The following GSE1 variants were observed in gnomAD, a reference collection of about 807,000 sequenced individuals.
The protein encoded by GSE1 is genetic suppressor element 1.
In GSE1, 32 loss-of-function variants were observed where a neutral mutation model predicts 112.6. That is an observed-to-expected ratio of 0.28 (90% CI 0.21 to 0.38). The LOEUF (loss-of-function observed/expected upper bound fraction) is 0.38. Ranked by LOEUF, GSE1 falls within the 10% of genes least tolerant of loss-of-function variation. The pLI, the probability that GSE1 is intolerant of heterozygous loss-of-function variation, is 1.00. For missense variants in GSE1, 2,348 were observed against 1,699.2 expected (o/e 1.38, Z -6.71); for synonymous variants, 1,115 against 735.6 (o/e 1.52, Z -8.35).
intron 1 of GSE1, among the ~76,000 whole-genome samples, chr16:85,234,053 A>C (rs566636820): frequency 1.3e-5 from 2 of 152,268 alleles, no homozygotes; most frequent in Non-Finnish European, 2.9e-5. Flanking sequence ...CAGGTTCAAT[A>C]GGACAAGACC....
chr16:85,384,891 C>G (rs1241510556), intron 2 of GSE1, among the ~76,000 whole-genome samples: 3 of 152,228 alleles, frequency 2.0e-5, no homozygotes, highest in Non-Finnish European at 4.4e-5. Flanking sequence ...CCTGGGGGCC[C>G]TCAGGCAAGC....
intron 2 of GSE1, among the ~76,000 whole-genome samples, chr16:85,549,034 G>A (rs1041008322): frequency 5.3e-5 from 8 of 152,076 alleles, no homozygotes; most frequent in Non-Finnish European, 8.8e-5. Flanking sequence ...TGATCCGCCC[G>A]CCTCGGCCTC....
chr16:85,620,327 A>G (rs1404565115), intron 1 of GSE1, among the ~76,000 whole-genome samples: 1 of 152,302 alleles, frequency 6.6e-6, no homozygotes, highest in African/African-American at 2.4e-5. Context: ...TGCTTCACCC[A>G]GTCTCGGGAT....
intron 2 of GSE1, among the ~76,000 whole-genome samples, chr16:85,407,966 T>C (rs1445957586): frequency 5.8e-4 from 15 of 25,866 alleles, no homozygotes; most frequent in East Asian, 1.9e-3. Context: ...ACACTCAGGG[T>C]CCCTCTGATA....
At chr16:85,470,599 C>T (rs757028959) in intron 2 of GSE1, among the ~76,000 whole-genome samples, 2 of 152,218 alleles carry the variant, frequency 1.3e-5, no homozygotes, top group African/African-American at 4.8e-5. Context: ...TGCAATTGCT[C>T]TGCACCTCAA....
At chr16:85,459,223 C>T (rs1182351215) in intron 2 of GSE1, among the ~76,000 whole-genome samples, 1 of 152,234 alleles carries the variant, frequency 6.6e-6, no homozygotes. Flanking sequence ...AAACGCCACC[C>T]CCAGGCACCC....
At chr16:85,307,046 C>G (rs564119127) in intron 1 of GSE1, among the ~76,000 whole-genome samples, 4 of 152,066 alleles carry the variant, frequency 2.6e-5, no homozygotes, top group Admixed American at 1.3e-4. Flanking sequence ...TGGGAAGTGT[C>G]CACGAGGCTG....
intron 1 of GSE1, among the ~76,000 whole-genome samples, chr16:85,336,129 C>T (rs979156744): frequency 2.6e-5 from 4 of 152,170 alleles, no homozygotes; most frequent in Non-Finnish European, 2.9e-5. Flanking sequence ...GGTGAGGACC[C>T]GGCTGCAGTT....
intron 1 of GSE1, among the ~76,000 whole-genome samples, chr16:85,219,925 G>A (rs1269114849): frequency 6.6e-6 from 1 of 152,184 alleles, no homozygotes; most frequent in Non-Finnish European, 1.5e-5. Flanking sequence ...ACTTCCTTTG[G>A]AACAGGTGGG....
intron 2 of GSE1, among the ~76,000 whole-genome samples, chr16:85,466,880 C>T (rs1340939089): frequency 6.6e-6 from 1 of 151,980 alleles, no homozygotes; most frequent in East Asian, 1.9e-4. Flanking sequence ...GCCGAAATGG[C>T]GAAGCCTCAT....
At chr16:85,330,072 G>T (rs896474798) in intron 1 of GSE1, among the ~76,000 whole-genome samples, 9 of 152,184 alleles carry the variant, frequency 5.9e-5, no homozygotes, top group African/African-American at 2.2e-4. Flanking sequence ...TCTTCCTGGT[G>T]GCGGCCAGGA....
chr16:85,650,279 G>C (rs982621483), intron 3 of GSE1, among the ~76,000 whole-genome samples: 1 of 151,670 alleles, frequency 6.6e-6, no homozygotes, highest in Admixed American at 6.6e-5. Flanking sequence ...TCCAGAGGCC[G>C]CCCCCCAGGG....
intron 1 of GSE1, among the ~76,000 whole-genome samples, chr16:85,355,830 G>A (rs2046939141): frequency 6.6e-6 from 1 of 152,102 alleles, no homozygotes; most frequent in African/African-American, 2.4e-5. Context: ...AAACCAGTCT[G>A]GCCAACATAG....
intron 1 of GSE1, among the ~76,000 whole-genome samples, chr16:85,278,220 G>A (rs1909567175): frequency 6.6e-6 from 1 of 152,208 alleles, no homozygotes; most frequent in Non-Finnish European, 1.5e-5. Flanking sequence ...GGGCGGGGGT[G>A]CTGTCCTCTG....
intron 1 of GSE1, among the ~76,000 whole-genome samples, chr16:85,560,481 C>T (rs746917174): frequency 3.3e-5 from 5 of 152,100 alleles, no homozygotes; most frequent in East Asian, 1.9e-4. Flanking sequence ...GGCCTCTTGC[C>T]GCCATGGTTG....
intron 2 of GSE1, among the ~76,000 whole-genome samples, chr16:85,410,837 T>C (rs1231110928): frequency 3.6e-5 from 2 of 56,252 alleles, no homozygotes; most frequent in African/African-American, 1.6e-4. Context: ...TAATCCTCAC[T>C]GTTACTCTCA....
chr16:85,578,934 C>T (rs1468147835), intron 1 of GSE1, among the ~76,000 whole-genome samples: 1 of 152,050 alleles, frequency 6.6e-6, no homozygotes, highest in Non-Finnish European at 1.5e-5. Context: ...CCCCCCAGCA[C>T]AGCGATCTGG....
At chr16:85,338,691 T>C (rs896909822) in intron 1 of GSE1, among the ~76,000 whole-genome samples, 2 of 152,222 alleles carry the variant, frequency 1.3e-5, no homozygotes, top group African/African-American at 2.4e-5. Flanking sequence ...TACACCCATC[T>C]TGAGTCACTT....
intron 2 of GSE1, among the ~76,000 whole-genome samples, chr16:85,435,881 A>G (rs539024622): frequency 1.3e-5 from 2 of 152,220 alleles, no homozygotes; most frequent in South Asian, 4.2e-4. Context: ...TTCCCCAGGC[A>G]GGAAGCTGAG....
Sources: allele counts gnomAD v4.1 joint callset (sites outside exome capture counted in the v4.1 genomes callset), GRCh38; gene constraint gnomAD v4.1.1; transcripts MANE v1.5; gene names NCBI Gene and HGNC (gene_info 2026-07-23, HGNC 2026-07-21).